Variants in ROCK2 observed in about 807,000 individuals in gnomAD.
ROCK2 encodes the protein Rho associated coiled-coil containing protein kinase 2.
In ROCK2, 61 loss-of-function variants were observed where a neutral mutation model predicts 195.1. That is an observed-to-expected ratio of 0.31 (90% CI 0.25 to 0.39). The LOEUF (loss-of-function observed/expected upper bound fraction) is 0.39. ROCK2 is among the 10% of genes least tolerant of loss of function. The probability of loss-of-function intolerance (pLI) is 1.00; values close to 1 mark genes in which losing one functional copy is unlikely to be tolerated. For synonymous variants in ROCK2, 504 were observed against 545.5 expected, an observed-to-expected ratio of 0.92 and a Z score of 1.06; for missense variants, 1,109 against 1,637.4, an observed-to-expected ratio of 0.68 and a Z score of 5.57.
intron 13 of ROCK2, among the ~76,000 whole-genome samples, 190 bp downstream of exon 13, chr2:11,215,968 G>A (rs1475536290): frequency 1.3e-5 from 2 of 151,980 alleles, no homozygotes; most frequent in African/African-American, 2.4e-5. Flanking sequence ...ATTAACTCAA[G>A]TTTGCAAAAA....
At chr2:11,214,776 T>A in intron 16 of ROCK2, 64 bp downstream of exon 16, 1 of 1,443,072 alleles carries the variant, frequency 6.9e-7, no homozygotes. Flanking sequence ...CTATCCATCA[T>A]CTAAAGTTAT....
At chr2:11,233,443 C>G (rs189410468) in intron 5 of ROCK2, among the ~76,000 whole-genome samples, 1 of 152,202 alleles carries the variant, frequency 6.6e-6, no homozygotes, top group East Asian at 1.9e-4. Context: ...TTCTGGAGAT[C>G]GGGCAATTCT....
chr2:11,260,318 G>A (rs1572325538), intron 3 of ROCK2, among the ~76,000 whole-genome samples: 2 of 151,782 alleles, frequency 1.3e-5, no homozygotes, highest in East Asian at 3.9e-4. Context: ...TGTGGTGGCA[G>A]GTGCCTGTGA....
chr2:11,330,851 G>A (rs1300461898), intron 1 of ROCK2, among the ~76,000 whole-genome samples: 1 of 21,964 alleles, frequency 4.6e-5, no homozygotes. Flanking sequence ...AGGAGGAGGG[G>A]GAGGAAGAGG....
At chr2:11,205,394 CTT>C (rs1225412464) in intron 20 of ROCK2, among the ~76,000 whole-genome samples, 2 of 152,180 alleles carry the variant, frequency 1.3e-5, no homozygotes, top group African/African-American at 2.4e-5. Flanking sequence ...AGTCACAAGG[CTT>C]CCATCTAACT....
intron 3 of ROCK2, among the ~76,000 whole-genome samples, chr2:11,265,296 A>T (rs1666375144): frequency 6.6e-6 from 1 of 152,198 alleles, no homozygotes; most frequent in South Asian, 2.1e-4. Flanking sequence ...TTGGAAATCT[A>T]GATATCAAAT....
rs1664404752 is a variant in ROCK2, at chr2:11,215,759, T to G, written c.1462-114A>C. On this transcript the variant is annotated intron_variant, in intron 13 of 32. Coordinates refer to ENST00000315872, the MANE Select transcript of ROCK2 (RefSeq NM_004850.5). ...AAGATCTCAAAAAGGCTTTCACTGC[T>G]TTTTTGTTAAAACTGTAATAATGCT... 3.6e-6 allele frequency: 3 copies of G among 829,224 alleles called. No individual in the cohort carries two copies. In the East Asian group the frequency reaches 8.2e-5, roughly 23 times the overall value. The allele number at this position is 829,224 out of a possible 1,614,324, so 51.4% of individuals were successfully genotyped here.
At chr2:11,210,282 T>A (rs1028553798) in intron 18 of ROCK2, among the ~76,000 whole-genome samples, 8 of 151,884 alleles carry the variant, frequency 5.3e-5, no homozygotes, top group African/African-American at 1.7e-4. Flanking sequence ...AATGTAGGCA[T>A]TGAGAATAGA....
At chr2:11,331,033 G>GGAGGAGGAGA in intron 1 of ROCK2, among the ~76,000 whole-genome samples, 1 of 119,864 alleles carries the variant, frequency 8.3e-6, no homozygotes, top group African/African-American at 3.1e-5. Context: ...GGAGGAGGAG[G>GGAGGAGGAGA]GAGGAGGAGG....
Position 11,235,945 on chromosome 2 carries a change from T to C in ROCK2, c.480A>G (p.Gln160=), listed in dbSNP as rs1665186884. Residue 160 remains glutamine, a synonymous_variant, in exon 5 of 33, where the codon CAA becomes CAG. Transcript: ENST00000315872. The surrounding 1 kb of genome is among the most constrained non-coding windows in gnomAD (Gnocchi z 4.2). ...TTACCATGTACAGATACCTATCATCTTGAAAGGCATAAAAAAGCTGGAAAA... is the reference window on the plus strand; with the variant it reads ...TTACCATGTACAGATACCTATCATCCTGAAAGGCATAAAAAAGCTGGAAAA... ...PWVVQLFYAF[Q]DDRYLYMVME... 9 of 1,466,968 alleles carry C rather than the reference T, an allele frequency of 6.1e-6. No homozygotes were observed. The East Asian group carries it at 2.2e-4, about 36-fold the overall frequency. 90.9% of individuals were successfully genotyped at this position (1,466,968 alleles called of 1,614,324 possible). A position where few individuals can be genotyped will look rare whatever the true frequency, so the allele number is the denominator to read the frequency against.
intron 6 of ROCK2, among the ~76,000 whole-genome samples, chr2:11,226,429 A>G (rs945557129): frequency 2.0e-5 from 3 of 152,202 alleles, no homozygotes; most frequent in African/African-American, 7.2e-5. Flanking sequence ...AATGGTAAAC[A>G]CTGTATTTAT....
At chr2:11,270,447 C>G (rs1666585602) in intron 3 of ROCK2, among the ~76,000 whole-genome samples, 1 of 152,072 alleles carries the variant, frequency 6.6e-6, no homozygotes, top group Non-Finnish European at 1.5e-5. Flanking sequence ...AATGTTTCTT[C>G]TGTTGTTTTT....
At chr2:11,307,866 G>A (rs868369773) in intron 1 of ROCK2, among the ~76,000 whole-genome samples, 15 of 152,094 alleles carry the variant, frequency 9.9e-5, no homozygotes, top group Admixed American at 2.6e-4. Flanking sequence ...AACAACTATC[G>A]GCGAAAAATG....
chr2:11,264,458 C>G (rs1300135953), intron 3 of ROCK2, among the ~76,000 whole-genome samples: 1 of 152,032 alleles, frequency 6.6e-6, no homozygotes, highest in African/African-American at 2.4e-5. Flanking sequence ...GATGCAAGAG[C>G]CATTTACTAC....
At position 11,235,581 on chromosome 2, in the gene ROCK2, G is replaced by A. The variant is rs1283259830; in HGVS notation, c.723+121C>T. The stretch of plus-strand genomic sequence containing the variant: ...TTTAAGTTGGTTATATCTTGTTTGG[G>A]TGCTATACAGTTATGAAAACTAAAT... On this transcript the variant is annotated intron_variant, in intron 5 of 32. Coordinates refer to ENST00000315872, the MANE Select transcript of ROCK2 (RefSeq NM_004850.5). The surrounding 1 kb of genome is among the most constrained non-coding windows in gnomAD (Gnocchi z 4.2). 1.0e-6 allele frequency: 1 copy of A among 968,522 alleles called. No homozygotes were observed. The highest frequency in any genetic ancestry group is 1.5e-6 in the Non-Finnish European group (1 of 651,154). The allele number at this position is 968,522 out of a possible 1,614,324, so 60.0% of individuals were successfully genotyped here.
intron 3 of ROCK2, among the ~76,000 whole-genome samples, chr2:11,267,993 T>C (rs1335572792): frequency 6.6e-6 from 1 of 151,826 alleles, no homozygotes; most frequent in Non-Finnish European, 1.5e-5. Flanking sequence ...GTTCCACAGA[T>C]AAGGAGCTTG....
intron 27 of ROCK2, among the ~76,000 whole-genome samples, chr2:11,196,097 T>TA (rs763416923): frequency 6.6e-6 from 1 of 152,126 alleles, no homozygotes; most frequent in Non-Finnish European, 1.5e-5. Context: ...TCTTTAATCC[T>TA]AAAAAAACCG....
rs1040393865 is a variant in ROCK2, at chr2:11,295,578, G to A, written c.142-7842C>T. On this transcript the variant is annotated intron_variant, in intron 1 of 32. Transcript: ENST00000315872. ...TCAATATTTTGATATTCATAATATC[G>A]TTCAGCAGCAGTACTTTAAATACAC... Among the ~76,000 whole-genome samples, 10 of 152,170 alleles carry A rather than the reference G, an allele frequency of 6.6e-5. No homozygotes were observed. The South Asian group carries it at 8.3e-4, about 13-fold the overall frequency.
rs866972253 is a variant in ROCK2, at chr2:11,344,436, C to A, written c.-300G>T. 3.8e-6 allele frequency: 4 copies of A among 1,044,498 alleles called. No individual in the cohort carries two copies. In the African/African-American group the frequency reaches 6.7e-5, roughly 18 times the overall value. 64.7% of individuals were successfully genotyped at this position (1,044,498 alleles called of 1,614,324 possible). A position where few individuals can be genotyped will look rare whatever the true frequency, so the allele number is the denominator to read the frequency against. ...TCCGCTGGTCCTCAGCGAGTGCCCG[C>A]AGGAGTCCTCGGGCGGGAGCAGGGA... On this transcript the variant is annotated 5_prime_UTR_variant, in exon 1 of 33. Coordinates refer to ENST00000315872, the MANE Select transcript of ROCK2 (RefSeq NM_004850.5). The surrounding 1 kb of genome is among the most constrained non-coding windows in gnomAD (Gnocchi z 5.4).
Sources: gnomAD v4.1 joint callset for allele counts (sites outside exome capture counted in the v4.1 genomes callset) on GRCh38, gnomAD v4.1.1 for gene constraint, Gnocchi (gnomAD v3.1) non-coding constraint, MANE v1.5 for transcripts, NCBI Gene and HGNC (gene_info 2026-07-23, HGNC 2026-07-21) for gene names.